The following CCDC201 variants were observed in gnomAD, a reference collection of about 807,000 sequenced individuals.
CCDC201 encodes the protein coiled-coil domain-containing protein 201.
At chr7:45,878,200 A>G in the CCDC201 span, among the ~76,000 whole-genome samples, 1 of 152,216 alleles carries the variant, frequency 6.6e-6, no homozygotes, top group Non-Finnish European at 1.5e-5. Context: ...AGCTTCTTTC[A>G]GAGGCTGGCA....
At chr7:45,865,090 C>T (rs1786654204) in intron 2 of CCDC201, among the ~76,000 whole-genome samples, 1 of 151,954 alleles carries the variant, frequency 6.6e-6, no homozygotes, top group African/African-American at 2.4e-5. Flanking sequence ...TGAGAAAGGG[C>T]TCCAAGACTG....
chr7:45,868,631 A>G (rs1306584235), intron 1 of CCDC201, among the ~76,000 whole-genome samples: 2 of 152,106 alleles, frequency 1.3e-5, no homozygotes, highest in African/African-American at 2.4e-5. Flanking sequence ...GGCTGGACAA[A>G]GAATGGAAAG....
At chr7:45,880,318 T>A in the CCDC201 span, among the ~76,000 whole-genome samples, 1 of 152,226 alleles carries the variant, frequency 6.6e-6, no homozygotes, top group Non-Finnish European at 1.5e-5. Flanking sequence ...TTATTTGTAA[T>A]GAAGAAAAGT....
upstream of CCDC201, among the ~76,000 whole-genome samples, chr7:45,873,281 A>G (rs889043155): frequency 4.3e-5 from 1 of 23,428 alleles, no homozygotes; most frequent in African/African-American, 1.5e-4. Context: ...CCACCCCCCC[A>G]CCCCCCAGCA....
intron 1 of CCDC201, among the ~76,000 whole-genome samples, chr7:45,872,624 G>A (rs896351357): frequency 6.6e-6 from 1 of 152,192 alleles, no homozygotes; most frequent in African/African-American, 2.4e-5. Context: ...GAGATTGTGC[G>A]TGGGCTCTGG....
chr7:45,867,002 G>C (rs1253338313), intron 1 of CCDC201, among the ~76,000 whole-genome samples: 1 of 152,212 alleles, frequency 6.6e-6, no homozygotes, highest in Non-Finnish European at 1.5e-5. Flanking sequence ...CAAGCCCCAG[G>C]ATGGACTGTA....
chr7:45,880,943 C>G, the CCDC201 span, among the ~76,000 whole-genome samples: 1 of 152,152 alleles, frequency 6.6e-6, no homozygotes. Flanking sequence ...AGGTTTCTTG[C>G]TGACAGAATC....
chr7:45,866,947 G>A (rs1786684655), intron 1 of CCDC201, among the ~76,000 whole-genome samples: 1 of 152,302 alleles, frequency 6.6e-6, no homozygotes, highest in Non-Finnish European at 1.5e-5. Context: ...CTGGGCAGGT[G>A]GCTTGCAGTA....
At chr7:45,873,976 G>A (rs537023323), upstream of CCDC201, among the ~76,000 whole-genome samples, 4 of 142,952 alleles carry the variant, frequency 2.8e-5, no homozygotes, top group South Asian at 8.8e-4. Flanking sequence ...AGGCTAGAGT[G>A]CAATGTGATC....
upstream of CCDC201, among the ~76,000 whole-genome samples, chr7:45,877,332 A>G (rs1366206908): frequency 1.3e-5 from 2 of 152,198 alleles, no homozygotes; most frequent in African/African-American, 4.8e-5. Flanking sequence ...AGTGTGCTCT[A>G]GGTTTCTTTT....
chr7:45,879,927 A>G, the CCDC201 span, among the ~76,000 whole-genome samples: 2 of 152,138 alleles, frequency 1.3e-5, no homozygotes, highest in Non-Finnish European at 2.9e-5. Context: ...CTCTATTAAA[A>G]ATACAAAAAT....
intron 2 of CCDC201, among the ~76,000 whole-genome samples, chr7:45,865,400 G>A (rs961700215): frequency 1.3e-5 from 2 of 152,204 alleles, no homozygotes; most frequent in Admixed American, 6.5e-5. Flanking sequence ...TATGGTGAAG[G>A]TGGGACATCC....
upstream of CCDC201, among the ~76,000 whole-genome samples, chr7:45,875,659 T>A (rs1318495356): frequency 6.6e-6 from 1 of 152,220 alleles, no homozygotes; most frequent in East Asian, 1.9e-4. Flanking sequence ...CAATTCATTT[T>A]CCAGATGGGG....
chr7:45,861,510 A>G (rs1786600548), exon 3 of CCDC201: 2 of 152,234 alleles, frequency 1.3e-5, no homozygotes, highest in East Asian at 1.9e-4. Context: ...TGCAGCCGCT[A>G]TATCTAATCC....
At chr7:45,873,428 C>T (rs1786764146), upstream of CCDC201, among the ~76,000 whole-genome samples, 1 of 151,566 alleles carries the variant, frequency 6.6e-6, no homozygotes, top group African/African-American at 2.4e-5. Context: ...AGAGGACCCA[C>T]AACCACTGGA....
upstream of CCDC201, among the ~76,000 whole-genome samples, chr7:45,877,358 A>G (rs1191880336): frequency 6.6e-6 from 1 of 152,198 alleles, no homozygotes; most frequent in African/African-American, 2.4e-5. Context: ...CAGGATGTAA[A>G]TAAGTGGTCA....
intron 1 of CCDC201, among the ~76,000 whole-genome samples, chr7:45,868,444 C>T (rs1786702802): frequency 6.6e-6 from 1 of 152,192 alleles, no homozygotes. Context: ...GAGAACCCCA[C>T]AAAGGTATGA....
the CCDC201 span, among the ~76,000 whole-genome samples, chr7:45,879,744 T>C: frequency 6.6e-6 from 1 of 152,242 alleles, no homozygotes; most frequent in African/African-American, 2.4e-5. Flanking sequence ...ATAAACTTCA[T>C]TAATAATCAA....
chr7:45,872,823 G>T (rs1389403422), intron 1 of CCDC201, among the ~76,000 whole-genome samples, 167 bp downstream of exon 1: 1 of 152,176 alleles, frequency 6.6e-6, no homozygotes, highest in Non-Finnish European at 1.5e-5. Context: ...AGGCCACCAG[G>T]ACCAGGCCAC....
Sources: allele counts gnomAD v4.1 joint callset (sites outside exome capture counted in the v4.1 genomes callset), GRCh38; gene constraint gnomAD v4.1.1; transcripts MANE v1.5; gene names NCBI Gene and HGNC (gene_info 2026-07-23, HGNC 2026-07-21).